DCTN2: variants seen among roughly 807,000 people sequenced by gnomAD.
DCTN2 encodes the protein dynactin subunit 2, also known as 50 kDa dynein-associated polypeptide.
Under a neutral mutation model 55.4 loss-of-function variants are expected in DCTN2, and 18 were observed. The ratio of observed to expected loss-of-function variants is 0.32; its 90% confidence interval spans 0.22 to 0.48. The LOEUF (loss-of-function observed/expected upper bound fraction) is 0.48, where lower values mean the gene tolerates loss of function less well. DCTN2 is among the 20% of genes least tolerant of loss of function. The probability of loss-of-function intolerance (pLI) is 0.99; values close to 1 mark genes in which losing one functional copy is unlikely to be tolerated. For missense variants in DCTN2, 390 were observed against 491.0 expected (o/e 0.79, Z 1.94); for synonymous variants, 168 against 185.2 (o/e 0.91, Z 0.76).
intron 11 of DCTN2, 51 bp from the exon 12 acceptor site, chr12:57,532,366 GTATGTA>G: frequency 6.8e-7 from 1 of 1,476,662 alleles, no homozygotes; most frequent in South Asian, 1.2e-5. Context: ...AGCCAGGTCA[GTATGTA>G]CAGACTGCTA....
chr12:57,532,050 T>C lies in DCTN2; in HGVS notation c.1084A>G (p.Asn362Asp), dbSNP rs1879774530. The change falls in exon 13 of 14, where the codon AAT becomes GAT. Residue 362 changes from asparagine (N) to aspartate (D), a missense_variant. Around this residue, in one of 2 missense-constraint regions of DCTN2, gnomAD observed 273 missense variants for 303.2 expected, o/e 0.90. Coordinates refer to ENST00000548249, the MANE Select transcript of DCTN2 (RefSeq NM_001261413.2). ...AGGGTGGTATTGTCCTTCAAGGAAT[T>C]AGCAATCATCTGCTGGGTGGTATCC... ...HLDTTQQMIA[N>D]SLKDNTTLLT... is the part of the protein sequence containing the mutation. 4 of 1,566,154 alleles carry C rather than the reference T, an allele frequency of 2.6e-6. No homozygotes were observed. Among genetic ancestry groups the C allele is most frequent in the Non-Finnish European group, 3.5e-6 (4 of 1,154,700 alleles).
At position 57,547,168 on chromosome 12, in the gene DCTN2, A is replaced by G. The variant is rs1881250514; in HGVS notation, c.-105T>C. ...GGGTCCCGGGCTAAGGCGGCGGCAA[A>G]GGGAGCGGCAGATGAGCAGGAAGTC... On this transcript the variant is annotated 5_prime_UTR_variant, in exon 1 of 14. Coordinates refer to ENST00000548249, the MANE Select transcript of DCTN2 (RefSeq NM_001261413.2). 4 of 948,670 alleles carry G rather than the reference A, an allele frequency of 4.2e-6. No homozygotes were observed. The highest frequency in any genetic ancestry group is 3.4e-4 in the Middle Eastern group (1 of 2,916). The allele number at this position is 948,670 out of a possible 1,614,324, so 58.8% of individuals were successfully genotyped here.
rs762483790 is a variant in DCTN2, at chr12:57,530,793, G to A, written c.1120-18C>T. The stretch of plus-strand genomic sequence containing the variant: ...GTCTGCACCTACAAAGTGGTAGAGA[G>A]GTTTTACTCTTTGTCAGGTCCAGTT... On this transcript the variant is annotated intron_variant, in intron 13 of 13. Transcript: ENST00000548249. 1 of 1,602,202 alleles carries A rather than the reference G, an allele frequency of 6.2e-7. No homozygotes were observed. The highest frequency in any genetic ancestry group is 1.3e-5 in the African/African-American group (1 of 74,634).
chr12:57,545,996 C>T, intron 2 of DCTN2, 32 bp downstream of exon 2: 1 of 1,611,212 alleles, frequency 6.2e-7, no homozygotes, highest in Non-Finnish European at 8.5e-7. Flanking sequence ...AGGTCAGAGT[C>T]CGGAGGAGTC....
At chr12:57,534,849 T>C in intron 5 of DCTN2, 3 of 474,380 alleles carry the variant, frequency 6.3e-6, no homozygotes, top group Non-Finnish European at 1.1e-5. Context: ...TGTATTTTTT[T>C]AGTACAGATG....
intron 2 of DCTN2, among the ~76,000 whole-genome samples, chr12:57,541,881 A>G (rs995143666): frequency 3.9e-5 from 6 of 152,240 alleles, no homozygotes; most frequent in Admixed American, 1.3e-4. Flanking sequence ...AGATCTTCCC[A>G]GATTGAGGAG....
chr12:57,532,494 G>C, intron 11 of DCTN2, 78 bp downstream of exon 11: 1 of 1,496,316 alleles, frequency 6.7e-7, no homozygotes, highest in Non-Finnish European at 9.3e-7. Flanking sequence ...TGAGGAGTCA[G>C]TGTGTTCTCA....
At position 57,537,164 on chromosome 12, in the gene DCTN2, C is replaced by G. The variant is rs756287364; in HGVS notation, c.106-1319G>C. Among the ~76,000 whole-genome samples, 55 of 150,254 alleles carry G rather than the reference C, an allele frequency of 3.7e-4. 1 individual carries two copies. The highest frequency in any genetic ancestry group is 1.6e-3 in the Admixed American group (24 of 15,110). ...CAGCCTGGGCAACATAGGGAAACCC[C>G]AACTCTACAAAAAATATAAAATAGC... On this transcript the variant is annotated intron_variant, in intron 2 of 13. Coordinates refer to ENST00000548249, the MANE Select transcript of DCTN2 (RefSeq NM_001261413.2).
chr12:57,532,444 G>T, intron 11 of DCTN2, 128 bp downstream of exon 11: 1 of 1,335,278 alleles, frequency 7.5e-7, no homozygotes, highest in Non-Finnish European at 1.1e-6. Context: ...GACTTTCCAA[G>T]CTGATAAGCT....
chr12:57,535,499 A>C lies in DCTN2; in HGVS notation c.249T>G (p.Ser83=), dbSNP rs1880157375. ...IGKTKRTGYE[S]GEYEMLGEGL... ...CACAACAAACCATCTCATATTCTCC[A>C]GATTCATATCCTGTCCTCTTGGTTT... The change falls in exon 4 of 14, where the codon TCT becomes TCG. Residue 83 remains serine (S), a synonymous_variant. Coordinates refer to ENST00000548249, the MANE Select transcript of DCTN2 (RefSeq NM_001261413.2). 1.9e-6 allele frequency: 3 copies of C among 1,614,002 alleles called. No homozygotes were observed. Among genetic ancestry groups the C allele is most frequent in the Non-Finnish European group, 1.7e-6 (2 of 1,179,896 alleles).
In DCTN2 at chr12:57,541,483, A is replaced by AAGAG. The variant is rs1417289032; in HGVS notation, c.105+4544_105+4545insCTCT. 602 of 1,136,728 alleles carry AAGAG rather than the reference A, an allele frequency of 5.3e-4. 1 individual carries two copies. Among genetic ancestry groups the AAGAG allele is most frequent in the Non-Finnish European group, 6.9e-4 (527 of 768,174 alleles). 70.4% of individuals were successfully genotyped at this position (1,136,728 alleles called of 1,614,324 possible). On this transcript the variant is annotated intron_variant, in intron 2 of 13. Coordinates refer to ENST00000548249, the MANE Select transcript of DCTN2 (RefSeq NM_001261413.2). ...TGAACACAATCAAGCATACTCCAGG[A>AAGAG]TCTTCTAAACTGTAAGGAAGTACTG... is the stretch of plus-strand genomic sequence containing the variant.
At position 57,532,598 on chromosome 12, in the gene DCTN2, C is replaced by A. The variant is rs1364682202; in HGVS notation, c.898G>T (p.Val300Leu). ...VNEIAKHKAS[V>L]EDADTQSKVH... is the part of the protein sequence containing the mutation. ...TTGCTTTGTGTATCTGCATCTTCTACAGAGGCTTTATGCTTGGCAATCTCG... is the reference window on the plus strand; with the variant it reads ...TTGCTTTGTGTATCTGCATCTTCTAAAGAGGCTTTATGCTTGGCAATCTCG... Residue 300 changes from valine (V) to leucine (L), a missense_variant, in exon 11 of 14, where the codon GTA becomes TTA. Val to Leu is a conservative substitution (Grantham distance 32). Transcript: ENST00000548249. 3 of 1,614,020 alleles carry A rather than the reference C, an allele frequency of 1.9e-6. No individual in the cohort carries two copies. The East Asian group carries it at 6.7e-5, about 36-fold the overall frequency.
Position 57,547,036 on chromosome 12 carries a change from G to A in DCTN2, c.28C>T (p.Pro10Ser). 1.6e-6 allele frequency: 2 copies of A among 1,289,330 alleles called. No individual in the cohort carries two copies. Among genetic ancestry groups the A allele is most frequent in the Non-Finnish European group, 2.0e-6 (2 of 1,010,384 alleles). The allele number at this position is 1,289,330 out of a possible 1,614,324, so 79.9% of individuals were successfully genotyped here. MADPKYADL[P>S]GIARNEPDVY... ...GCCGGTCCTGTACTCACAATGCCGG[G>A]AAGGTCGGCGTATTTAGGGTCCGCC... Residue 10 changes from proline (P) to serine (S), a missense_variant, in exon 1 of 14, where the codon CCC (proline) becomes TCC (serine). Coordinates refer to ENST00000548249, the MANE Select transcript of DCTN2 (RefSeq NM_001261413.2).
At chr12:57,542,365 AATGTTT>A (rs1331887802) in intron 2 of DCTN2, among the ~76,000 whole-genome samples, 18 of 152,222 alleles carry the variant, frequency 1.2e-4, no homozygotes, top group African/African-American at 4.1e-4. Flanking sequence ...GGAATCGGAA[AATGTTT>A]ATGTTTAAGT....
rs759922484 is a variant in DCTN2, at chr12:57,534,037, G to C, written c.585C>G (p.Thr195=). 10 of 1,613,424 alleles carry C rather than the reference G, an allele frequency of 6.2e-6. No homozygotes were observed. The highest frequency in any genetic ancestry group is 3.3e-4 in the Middle Eastern group (2 of 6,076). ...KNSKGGSGGK[T]TGTPPDSSLV... ...GGCTGCTATCTGGGGGGGTCCCAGTGGTTTTTCCCCCTGATCCCCCTTTGC... is the reference window on the plus strand; with the variant it reads ...GGCTGCTATCTGGGGGGGTCCCAGTCGTTTTTCCCCCTGATCCCCCTTTGC... Residue 195 remains threonine, a synonymous_variant, in exon 7 of 14, where the codon ACC becomes ACG. Coordinates refer to ENST00000548249, the MANE Select transcript of DCTN2 (RefSeq NM_001261413.2).
chr12:57,539,774 C>T (rs1880541546), intron 2 of DCTN2, among the ~76,000 whole-genome samples: 1 of 152,202 alleles, frequency 6.6e-6, no homozygotes, highest in Non-Finnish European at 1.5e-5. Context: ...CATCTGTAAT[C>T]CCAGCACTTT....
intron 2 of DCTN2, chr12:57,536,085 A>G (rs1359569518): frequency 7.3e-6 from 4 of 546,790 alleles, no homozygotes; most frequent in African/African-American, 5.7e-5. Context: ...CAGAGGGAGC[A>G]TAACCTCCCC....
At position 57,535,800 on chromosome 12, in the gene DCTN2, TAGG is replaced by T. The variant is rs751889169; in HGVS notation, c.148_150del (p.Pro50del). ...TCCTTGAACTTGTCATAGGCAGCAT[TAGG>T]ATTGACAATGATGTGTTCCACACTT... is the stretch of plus-strand genomic sequence containing the variant. On this transcript the variant is annotated inframe_deletion, in exon 3 of 14. Transcript: ENST00000548249. 1 of 1,613,972 alleles carries T rather than the reference TAGG, an allele frequency of 6.2e-7. No homozygotes were observed. The highest frequency in any genetic ancestry group is 2.2e-5 in the East Asian group (1 of 44,886).
At chr12:57,534,236 T>C in intron 6 of DCTN2, 56 bp downstream of exon 6, 6 of 1,536,772 alleles carry the variant, frequency 3.9e-6, no homozygotes, top group Non-Finnish European at 4.4e-6. Flanking sequence ...AGTAGCTGGC[T>C]GAGTCCATCC....
Sources: gnomAD v4.1 joint callset for allele counts (sites outside exome capture counted in the v4.1 genomes callset) on GRCh38, gnomAD v4.1.1 for gene constraint, gnomAD v4.1.1 regional missense constraint, MANE v1.5 for transcripts, NCBI Gene and HGNC (gene_info 2026-07-23, HGNC 2026-07-21) for gene names.